The following DDX42 variants were observed in gnomAD, a reference collection of about 807,000 sequenced individuals.
DDX42 encodes the protein DEAD-box helicase 42, also known as ATP-dependent RNA helicase DDX42.
Under a neutral mutation model 101.5 loss-of-function variants are expected in DDX42, and 22 were observed. The observed-to-expected ratio is 0.22, with a 90% CI of 0.15 to 0.31. DDX42 has a LOEUF of 0.31. Ranked by LOEUF, DDX42 falls within the 10% of genes least tolerant of loss-of-function variation. The pLI is 1.00. For synonymous variants in DDX42, 402 were observed against 401.2 expected, an observed-to-expected ratio of 1.00 and a Z score of -0.02; for missense variants, 849 against 1,199.9, an observed-to-expected ratio of 0.71 and a Z score of 4.32.
chr17:63,818,134 C>G lies in DDX42; in HGVS notation c.2553C>G (p.Ser851Arg). Residue 851 changes from serine to arginine, a missense_variant, in exon 18 of 18, where the codon AGC becomes AGG. Ser to Arg is a moderately radical substitution (Grantham distance 110). Around this residue, in one of 5 missense-constraint regions of DDX42, gnomAD observed 300 missense variants for 304.9 expected, o/e 0.98. Transcript: ENST00000389924. ...GDGYRHPESSSRHTDGHRHGE... is the reference protein window; with the variant it reads ...GDGYRHPESSRRHTDGHRHGE... ...GATACCGCCATCCAGAAAGCAGCAG[C>G]CGTCATACTGATGGCCATCGGCACG... 1 of 1,613,974 alleles carries G rather than the reference C, an allele frequency of 6.2e-7. No individual in the cohort carries two copies. Among genetic ancestry groups the G allele is most frequent in the Non-Finnish European group, 8.5e-7 (1 of 1,180,028 alleles).
At chr17:63,809,735 T>G (rs1214821468) in intron 11 of DDX42, 76 bp downstream of exon 11, 2 of 1,202,244 alleles carry the variant, frequency 1.7e-6, no homozygotes, top group Non-Finnish European at 2.5e-6. Context: ...TCTAGACTGT[T>G]TTTTCAGCAT....
chr17:63,797,703 G>C (rs1002296252), intron 3 of DDX42, among the ~76,000 whole-genome samples: 1 of 152,184 alleles, frequency 6.6e-6, no homozygotes, highest in Non-Finnish European at 1.5e-5. Context: ...TTTGAGGAAG[G>C]CCTATCTGCC....
chr17:63,810,616 A>G (rs2144582995), intron 12 of DDX42, 56 bp downstream of exon 12: 2 of 1,511,304 alleles, frequency 1.3e-6, no homozygotes, highest in Non-Finnish European at 1.8e-6. Context: ...GCACTTATTT[A>G]TTTTATAAGC....
chr17:63,787,655 A>G (rs1234090312), intron 2 of DDX42, among the ~76,000 whole-genome samples: 1 of 152,048 alleles, frequency 6.6e-6, no homozygotes, highest in Non-Finnish European at 1.5e-5. Context: ...CCTGGCCAAT[A>G]TGGTGAAACC....
At position 63,816,858 on chromosome 17, in the gene DDX42, A is replaced by G. The variant is rs776894969; in HGVS notation, c.2014-10A>G. The G allele has an allele frequency of 4.4e-6, 7 of 1,608,128 alleles. No homozygotes were observed. The East Asian group carries it at 8.9e-5, about 21-fold the overall frequency. Reference sequence around the variant, plus strand: ...TTTTTTCATTCTCATAGATGTGTTTATTTTTTTAGGATCGAGGAAATAACA... The same window carrying G: ...TTTTTTCATTCTCATAGATGTGTTTGTTTTTTTAGGATCGAGGAAATAACA... On this transcript the variant is annotated splice_polypyrimidine_tract_variant and intron_variant, in intron 16 of 17. Coordinates refer to ENST00000389924, the MANE Select transcript of DDX42 (RefSeq NM_203499.3).
Position 63,812,357 on chromosome 17 carries a change from G to C in DDX42, c.1675+149G>C, listed in dbSNP as rs1038095895. The C allele has an allele frequency of 8.8e-6, 8 of 911,248 alleles. No homozygotes were observed. In the African/African-American group the frequency reaches 1.3e-4, roughly 15 times the overall value. 56.4% of individuals were successfully genotyped at this position (911,248 alleles called of 1,614,324 possible). A position where few individuals can be genotyped will look rare whatever the true frequency, so the allele number is the denominator to read the frequency against. On this transcript the variant is annotated intron_variant, in intron 14 of 17. Transcript: ENST00000389924. Reference sequence around the variant, plus strand: ...CTCCCAAACCCCCAAGGAAGCAGCAGTTCAGCACAGGGATCACAGTCTGGA... The same window carrying C: ...CTCCCAAACCCCCAAGGAAGCAGCACTTCAGCACAGGGATCACAGTCTGGA...
At chr17:63,814,272 C>G (rs1222175852) in intron 15 of DDX42, among the ~76,000 whole-genome samples, 1 of 152,234 alleles carries the variant, frequency 6.6e-6, no homozygotes, top group Non-Finnish European at 1.5e-5. Flanking sequence ...CTGGAGTCAT[C>G]TGAATCCATG....
At chr17:63,777,321 G>A (rs1242376734) in intron 1 of DDX42, among the ~76,000 whole-genome samples, 2 of 152,176 alleles carry the variant, frequency 1.3e-5, no homozygotes, top group African/African-American at 4.8e-5. Flanking sequence ...TTGAATAAAT[G>A]AGTATCTAAT....
rs764373853 is a variant in DDX42, at chr17:63,815,625, A to C, written c.1965A>C (p.Gly655=). ...GGKGKKLNIG[G]GGLGYRERPG... Reference sequence around the variant, plus strand: ...AAGGAAAAAAGCTGAACATTGGTGGAGGAGGCCTAGGCTACAGGGAGCGGC... The same window carrying C: ...AAGGAAAAAAGCTGAACATTGGTGGCGGAGGCCTAGGCTACAGGGAGCGGC... The change falls in exon 16 of 18, where the codon GGA becomes GGC. Residue 655 remains glycine (G), a synonymous_variant. Coordinates refer to ENST00000389924, the MANE Select transcript of DDX42 (RefSeq NM_203499.3). 1 of 1,613,838 alleles carries C rather than the reference A, an allele frequency of 6.2e-7. No homozygotes were observed. The highest frequency in any genetic ancestry group is 8.5e-7 in the Non-Finnish European group (1 of 1,179,904).
intron 1 of DDX42, among the ~76,000 whole-genome samples, chr17:63,782,673 C>G (rs979161106): frequency 6.6e-6 from 1 of 152,156 alleles, no homozygotes; most frequent in Non-Finnish European, 1.5e-5. Flanking sequence ...CCCCGTTTCT[C>G]CTTTCCCACA....
At chr17:63,811,900 C>T in intron 13 of DDX42, 32 bp from the exon 14 acceptor site, 1 of 1,613,868 alleles carries the variant, frequency 6.2e-7, no homozygotes, top group Non-Finnish European at 8.5e-7. Context: ...GCTCCAATGT[C>T]ACAATCATCT....
rs756716411 is a variant in DDX42, at chr17:63,813,439, A to G, written c.1887A>G (p.Leu629=). The change falls in exon 15 of 18, where the codon CTA becomes CTG. Residue 629 remains leucine, a synonymous_variant. Transcript: ENST00000389924. ...GANQHVSKEL[L]DLAMQNAWFR... Reference sequence around the variant, plus strand: ...ATCAACACGTTTCTAAGGAACTCCTAGATCTGGCAATGCAGGTGAGGGGCT... The same window carrying G: ...ATCAACACGTTTCTAAGGAACTCCTGGATCTGGCAATGCAGGTGAGGGGCT... 1 of 1,613,908 alleles carries G rather than the reference A, an allele frequency of 6.2e-7. No homozygotes were observed. The highest frequency in any genetic ancestry group is 1.1e-5 in the South Asian group (1 of 91,086).
At chr17:63,784,181 G>A (rs1212818170) in intron 1 of DDX42, among the ~76,000 whole-genome samples, 1 of 152,094 alleles carries the variant, frequency 6.6e-6, no homozygotes, top group African/African-American at 2.4e-5. Context: ...ATAGAACAGT[G>A]CATGTTTCTG....
At chr17:63,816,427 T>C (rs552060017) in intron 16 of DDX42, among the ~76,000 whole-genome samples, 5 of 152,338 alleles carry the variant, frequency 3.3e-5, no homozygotes, top group African/African-American at 1.2e-4. Context: ...AATAACTGAA[T>C]GGAAGTTAGT....
At chr17:63,813,000 G>A (rs921174022) in intron 14 of DDX42, among the ~76,000 whole-genome samples, 12 of 152,158 alleles carry the variant, frequency 7.9e-5, no homozygotes, top group Admixed American at 5.2e-4. Context: ...ACTCCCGTCT[G>A]GCAACAGAGC....
intron 1 of DDX42, among the ~76,000 whole-genome samples, chr17:63,781,726 C>G (rs537366095): frequency 2.0e-4 from 31 of 151,932 alleles, no homozygotes; most frequent in African/African-American, 6.0e-4. Flanking sequence ...AATTGTCTTA[C>G]TGGGCCGGAT....
chr17:63,795,798 A>G (rs2039685825), intron 3 of DDX42, among the ~76,000 whole-genome samples: 1 of 152,186 alleles, frequency 6.6e-6, no homozygotes, highest in Non-Finnish European at 1.5e-5. Flanking sequence ...GCCATCTTTG[A>G]TTTATAACAA....
chr17:63,780,497 A>G (rs1183165223), intron 1 of DDX42, among the ~76,000 whole-genome samples: 1 of 152,092 alleles, frequency 6.6e-6, no homozygotes, highest in East Asian at 1.9e-4. Context: ...ATACAGCAAA[A>G]TTTTTTGAGT....
chr17:63,814,879 G>A (rs1453146833), intron 15 of DDX42, among the ~76,000 whole-genome samples: 3 of 152,008 alleles, frequency 2.0e-5, no homozygotes, highest in East Asian at 1.9e-4. Context: ...TAGTAGGGAC[G>A]GGGTTTCACC....
Sources: allele counts gnomAD v4.1 joint callset (sites outside exome capture counted in the v4.1 genomes callset), GRCh38; gene constraint gnomAD v4.1.1; regional missense constraint gnomAD v4.1.1; transcripts MANE v1.5; gene names NCBI Gene and HGNC (gene_info 2026-07-23, HGNC 2026-07-21).